ASPSCR1: variants seen among roughly 807,000 people sequenced by gnomAD.
The protein encoded by ASPSCR1 is ASPSCR1 tether for SLC2A4, UBX domain containing, also known as tether containing UBX domain for GLUT4.
In ASPSCR1, 55 loss-of-function variants were observed where a neutral mutation model predicts 68.9. The ratio of observed to expected loss-of-function variants is 0.80; its 90% CI spans 0.64 to 1.00. The LOEUF (loss-of-function observed/expected upper bound fraction) is 1.00. Among genes scored for constraint, ASPSCR1 ranks in the 50% least tolerant of loss-of-function variants. The pLI is 0.00. For synonymous variants in ASPSCR1, 352 were observed against 332.6 expected (o/e 1.06, Z -0.63); for missense variants, 765 against 762.2 (o/e 1.00, Z -0.04).
chr17:81,994,176 T>C (rs1279524001), intron 4 of ASPSCR1, among the ~76,000 whole-genome samples: 1 of 152,202 alleles, frequency 6.6e-6, no homozygotes, highest in Non-Finnish European at 1.5e-5. Context: ...TGCATATACC[T>C]GCCCACCCAT....
intron 7 of ASPSCR1, among the ~76,000 whole-genome samples, chr17:81,998,288 A>G (rs1310432873): frequency 1.3e-5 from 2 of 152,076 alleles, no homozygotes; most frequent in South Asian, 2.1e-4. Context: ...TACTTTTTAT[A>G]ATATTGTGGA....
At chr17:81,979,274 T>C (rs1357783136) in intron 2 of ASPSCR1, 35 bp downstream of exon 2, 1 of 1,602,958 alleles carries the variant, frequency 6.2e-7, no homozygotes, top group African/African-American at 1.3e-5. Context: ...AGGGTCTGAG[T>C]ATATCTGTGC....
At chr17:81,982,000 G>A (rs1052968745) in intron 2 of ASPSCR1, among the ~76,000 whole-genome samples, 4 of 151,294 alleles carry the variant, frequency 2.6e-5, no homozygotes, top group Admixed American at 2.0e-4. Flanking sequence ...ACGGAGTCTC[G>A]CTCTGTCGCC....
At position 82,003,884 on chromosome 17, in the gene ASPSCR1, C is replaced by T. The variant is rs151025812; in HGVS notation, c.934-5153C>T. On this transcript the variant is annotated intron_variant, in intron 7 of 15. Transcript: ENST00000306739. ...GCTGAGTAACTCGGGAGGTTTGGCC[C>T]GTGTCTGGCGTAGTGATTCATTGAA... Among the ~76,000 whole-genome samples the T allele has an allele frequency of 3.2e-3, 480 of 152,322 alleles. 3 individuals carry two copies. The highest frequency in any genetic ancestry group is 4.6e-3 in the Non-Finnish European group (316 of 68,028).
intron 4 of ASPSCR1, among the ~76,000 whole-genome samples, chr17:81,993,317 C>T (rs2042231488): frequency 6.6e-6 from 1 of 152,084 alleles, no homozygotes; most frequent in Non-Finnish European, 1.5e-5. Flanking sequence ...GGGTTCACGC[C>T]ATTCTCCTGC....
intron 13 of ASPSCR1, 36 bp from the exon 14 acceptor site, chr17:82,016,764 C>T (rs1203528160): frequency 1.3e-6 from 2 of 1,597,218 alleles, no homozygotes; most frequent in African/African-American, 1.3e-5. Flanking sequence ...TGGACCCCTC[C>T]TCAGAGGCTC....
Position 82,006,807 on chromosome 17 carries a change from G to A in ASPSCR1, c.934-2230G>A, listed in dbSNP as rs576705145. On this transcript the variant is annotated intron_variant, in intron 7 of 15. Transcript: ENST00000306739. ...GCATCTCTGTGAATCCACCTGGCGC[G>A]GGAGCGGCGCTGATGCCACAAATGC... The A allele has an allele frequency of 7.9e-5, 12 of 152,448 alleles. No homozygotes were observed. In the South Asian group the frequency reaches 1.0e-3, roughly 13 times the overall value. The allele number at this position is 152,448 out of a possible 1,614,324, so 9.4% of individuals were successfully genotyped here.
At chr17:81,991,986 A>T (rs952496302) in intron 4 of ASPSCR1, among the ~76,000 whole-genome samples, 11 of 152,390 alleles carry the variant, frequency 7.2e-5, no homozygotes, top group African/African-American at 2.4e-4. Flanking sequence ...CGAAGCCAGC[A>T]GCAGAGGCGT....
intron 7 of ASPSCR1, chr17:82,005,658 C>G (rs977627134): frequency 2.0e-5 from 3 of 152,234 alleles, no homozygotes; most frequent in African/African-American, 7.2e-5. Flanking sequence ...GGGAGCTTTC[C>G]AGGTGGGGAT....
intron 9 of ASPSCR1, among the ~76,000 whole-genome samples, chr17:82,010,528 C>CAAA (rs1193895939): frequency 1.6e-4 from 9 of 57,150 alleles, no homozygotes; most frequent in East Asian, 5.3e-4. Context: ...GACTCCATCT[C>CAAA]AAAAAAAAAA....
Position 81,996,045 on chromosome 17 carries a change from C to G in ASPSCR1, c.486C>G (p.Thr162=), listed in dbSNP as rs372697330. 2.6e-5 allele frequency: 42 copies of G among 1,609,254 alleles called. No individual in the cohort carries two copies. Among genetic ancestry groups the G allele is most frequent in the Non-Finnish European group, 3.2e-5 (38 of 1,178,788 alleles). ...CGACGCTGCAGTCGCTGGGCCTGACCGGGGGCAGCGCCACCATCAGGTAAG... is the reference window on the plus strand; with the variant it reads ...CGACGCTGCAGTCGCTGGGCCTGACGGGGGGCAGCGCCACCATCAGGTAAG... The part of the protein sequence containing the change: ...RGTTLQSLGL[T]GGSATIRFVM... Residue 162 remains threonine, a synonymous_variant, in exon 6 of 16, where the codon ACC becomes ACG. Coordinates refer to ENST00000306739, the MANE Select transcript of ASPSCR1 (RefSeq NM_024083.4).
intron 2 of ASPSCR1, among the ~76,000 whole-genome samples, chr17:81,981,762 G>A (rs537632587): frequency 7.9e-5 from 12 of 152,166 alleles, no homozygotes; most frequent in Admixed American, 2.0e-4. Context: ...TCTGCCTCCC[G>A]GGTTCAAGCG....
chr17:81,994,611 C>T (rs957129290), intron 4 of ASPSCR1, among the ~76,000 whole-genome samples: 4 of 152,214 alleles, frequency 2.6e-5, no homozygotes, highest in Non-Finnish European at 5.9e-5. Flanking sequence ...TCCTTGGGAG[C>T]GCCCCCGGCT....
Position 81,999,948 on chromosome 17 carries a change from A to T in ASPSCR1, c.933+3102A>T, listed in dbSNP as rs1016258777. On this transcript the variant is annotated intron_variant, in intron 7 of 15. Coordinates refer to ENST00000306739, the MANE Select transcript of ASPSCR1 (RefSeq NM_024083.4). This position sits in a 1 kb window ranked among gnomAD's most constrained non-coding sequence, Gnocchi z 4.4. ...TCCTGGGACTGTTCCTGTTGAGTGGACAAGGGAGTGGGGAGTGAGGGTGTT... is the reference window on the plus strand; with the variant it reads ...TCCTGGGACTGTTCCTGTTGAGTGGTCAAGGGAGTGGGGAGTGAGGGTGTT... 6.6e-6 allele frequency among the ~76,000 whole-genome samples: 1 copy of T among 152,166 alleles called. No homozygotes were observed. The highest frequency in any genetic ancestry group is 1.5e-5 in the Non-Finnish European group (1 of 68,006).
chr17:81,997,599 C>T (rs1240033372), intron 7 of ASPSCR1, among the ~76,000 whole-genome samples: 1 of 150,146 alleles, frequency 6.7e-6, no homozygotes, highest in Non-Finnish European at 1.5e-5. Flanking sequence ...GTGATTACTC[C>T]TGCCTCAGCC....
At chr17:81,991,836 G>T (rs2042178057) in intron 4 of ASPSCR1, among the ~76,000 whole-genome samples, 1 of 152,250 alleles carries the variant, frequency 6.6e-6, no homozygotes, top group Non-Finnish European at 1.5e-5. Flanking sequence ...ACCTGTGTTT[G>T]CGCCCGGCTT....
chr17:81,995,987 T>G lies in ASPSCR1; in HGVS notation c.433-5T>G. 2 of 1,609,062 alleles carry G rather than the reference T, an allele frequency of 1.2e-6. No homozygotes were observed. The highest frequency in any genetic ancestry group is 1.7e-6 in the Non-Finnish European group (2 of 1,178,700). ...GCGCACCTGTCCTGGCTGCTCCTCC[T>G]GCAGGTGACGGGTGAAGCTGCCCTG... On this transcript the variant is annotated splice_region_variant and splice_polypyrimidine_tract_variant and intron_variant, in intron 5 of 15. Coordinates refer to ENST00000306739, the MANE Select transcript of ASPSCR1 (RefSeq NM_024083.4).
chr17:81,984,184 T>C (rs2041887389), intron 3 of ASPSCR1, among the ~76,000 whole-genome samples: 2 of 152,134 alleles, frequency 1.3e-5, no homozygotes, highest in African/African-American at 2.4e-5. Flanking sequence ...GAAGTTTTTC[T>C]TTCTTTCTGG....
At chr17:82,002,002 C>T (rs1264245413) in intron 7 of ASPSCR1, among the ~76,000 whole-genome samples, 5 of 133,760 alleles carry the variant, frequency 3.7e-5, no homozygotes, top group African/African-American at 8.3e-5. Context: ...TTTTCTTTTT[C>T]CTTTTTTTTT....
Sources: allele counts gnomAD v4.1 joint callset (sites outside exome capture counted in the v4.1 genomes callset), GRCh38; gene constraint gnomAD v4.1.1; non-coding constraint Gnocchi (gnomAD v3.1); transcripts MANE v1.5; gene names NCBI Gene and HGNC (gene_info 2026-07-23, HGNC 2026-07-21).